The following SLC1A1 variants were observed in gnomAD, a reference collection of about 807,000 sequenced individuals.
SLC1A1 encodes the protein excitatory amino acid transporter 3.
Under a neutral mutation model 53.3 loss-of-function variants are expected in SLC1A1, and 43 were observed. That is an observed-to-expected ratio of 0.81 (90% CI 0.63 to 1.04). The LOEUF (loss-of-function observed/expected upper bound fraction) is 1.04. Among genes scored for constraint, SLC1A1 ranks in the 50% least tolerant of loss-of-function variants. The probability of loss-of-function intolerance (pLI) is 0.00; values close to 1 mark genes in which losing one functional copy is unlikely to be tolerated. For missense variants in SLC1A1, 748 were observed against 664.9 expected (o/e 1.12, Z -1.37); for synonymous variants, 307 against 243.2 (o/e 1.26, Z -2.44).
rs1450790306 is a variant in SLC1A1 at position 4,537,609 on chromosome 9, A to T, written c.92-6958A>T. Among the ~76,000 whole-genome samples, 6 of 151,634 alleles carry T rather than the reference A, an allele frequency of 4.0e-5. 1 individual carries two copies. The highest frequency in any genetic ancestry group is 1.5e-4 in the African/African-American group (6 of 41,276). On this transcript the variant is annotated intron_variant, in intron 1 of 11. Coordinates refer to ENST00000262352, the MANE Select transcript of SLC1A1 (RefSeq NM_004170.6). ...AAAATAAAATAAAATAAAAAAAAAA[A>T]AAATCACATGCTACAACATGGATGT... is the stretch of plus-strand genomic sequence containing the variant.
chr9:4,508,991 A>G (rs1820900607), intron 1 of SLC1A1, among the ~76,000 whole-genome samples: 1 of 152,068 alleles, frequency 6.6e-6, no homozygotes, highest in Non-Finnish European at 1.5e-5. Context: ...AAATTCAGAT[A>G]AAACTGAGTA....
intron 1 of SLC1A1, among the ~76,000 whole-genome samples, chr9:4,500,033 T>C (rs911161572): frequency 1.3e-5 from 2 of 152,156 alleles, no homozygotes; most frequent in Non-Finnish European, 2.9e-5. Flanking sequence ...TCCACATTAA[T>C]TGCTTGTGAG....
At chr9:4,530,843 A>C (rs957591250) in intron 1 of SLC1A1, among the ~76,000 whole-genome samples, 1 of 152,216 alleles carries the variant, frequency 6.6e-6, no homozygotes, top group African/African-American at 2.4e-5. Context: ...TACTACAAAG[A>C]ATGTGTTTAC....
chr9:4,530,755 T>C (rs144336726), intron 1 of SLC1A1, among the ~76,000 whole-genome samples: 66 of 152,334 alleles, frequency 4.3e-4, no homozygotes, highest in African/African-American at 1.4e-3. Context: ...TCAAATCCTC[T>C]AGCACTTAAT....
At chr9:4,585,225 C>T (rs549080291) in intron 11 of SLC1A1, 87 bp from the exon 12 acceptor site, 1 of 1,563,290 alleles carries the variant, frequency 6.4e-7, no homozygotes, top group Non-Finnish European at 8.8e-7. Flanking sequence ...GAAATCTAAA[C>T]TGAACATGTC....
chr9:4,523,981 A>G (rs1816175184), intron 1 of SLC1A1, among the ~76,000 whole-genome samples: 1 of 152,210 alleles, frequency 6.6e-6, no homozygotes, highest in Admixed American at 6.5e-5. Flanking sequence ...TCTTCCTTCA[A>G]AATGCTTCAT....
intron 7 of SLC1A1, 107 bp downstream of exon 7, chr9:4,572,495 T>C (rs1242208117): frequency 2.0e-6 from 2 of 1,016,614 alleles, no homozygotes; most frequent in Non-Finnish European, 3.1e-6. Flanking sequence ...CTAGAGAAGT[T>C]GGACATTTAA....
At chr9:4,551,482 C>T (rs2039216) in intron 2 of SLC1A1, among the ~76,000 whole-genome samples, 137,610 of 152,272 alleles carry the variant, frequency 0.9, 62,738 homozygotes, top group South Asian at 0.99. Context: ...GCAAGAATTG[C>T]AAGACTTGAA....
At chr9:4,500,845 G>C (rs919396737) in intron 1 of SLC1A1, among the ~76,000 whole-genome samples, 6 of 152,094 alleles carry the variant, frequency 3.9e-5, no homozygotes, top group Non-Finnish European at 7.4e-5. Flanking sequence ...CCAATAAATA[G>C]TCCTATACTT....
chr9:4,496,537 T>C (rs1488171465), intron 1 of SLC1A1, among the ~76,000 whole-genome samples: 1 of 150,744 alleles, frequency 6.6e-6, no homozygotes. Flanking sequence ...GTTTTGTTTT[T>C]GTTTGTTTTT....
rs1816269522 is a variant in SLC1A1, at chr9:4,526,617, C to A, written c.92-17950C>A. Among the ~76,000 whole-genome samples, 3 of 152,110 alleles carry A rather than the reference C, an allele frequency of 2.0e-5. 1 individual carries two copies. The highest frequency in any genetic ancestry group is 7.2e-5 in the African/African-American group (3 of 41,404). Reference sequence around the variant, plus strand: ...GTTCAGTCTGCGTGGTGGATGTATACATGTTTATGTATTTTTACTTTTCAT... The same window carrying A: ...GTTCAGTCTGCGTGGTGGATGTATAAATGTTTATGTATTTTTACTTTTCAT... On this transcript the variant is annotated intron_variant, in intron 1 of 11. Coordinates refer to ENST00000262352, the MANE Select transcript of SLC1A1 (RefSeq NM_004170.6).
chr9:4,519,390 C>A (rs982864645), intron 1 of SLC1A1, among the ~76,000 whole-genome samples: 1 of 152,108 alleles, frequency 6.6e-6, no homozygotes, highest in Admixed American at 6.5e-5. Flanking sequence ...ATAAAGCAAT[C>A]AAAAAGCAAG....
chr9:4,503,972 AACAT>A (rs1325859126), intron 1 of SLC1A1, among the ~76,000 whole-genome samples: 1 of 152,186 alleles, frequency 6.6e-6, no homozygotes, highest in Non-Finnish European at 1.5e-5. Context: ...AGTCATCCCA[AACAT>A]ACTTAACTCC....
chr9:4,585,100 T>A (rs956172234), intron 11 of SLC1A1, among the ~76,000 whole-genome samples: 2 of 152,196 alleles, frequency 1.3e-5, no homozygotes, highest in African/African-American at 4.8e-5. Flanking sequence ...TTAGGGAGAC[T>A]TAGGGGAGTC....
At chr9:4,528,754 G>A (rs1044414297) in intron 1 of SLC1A1, among the ~76,000 whole-genome samples, 4 of 151,980 alleles carry the variant, frequency 2.6e-5, no homozygotes, top group African/African-American at 9.7e-5. Flanking sequence ...TCTACATTCC[G>A]AGTTGGCTGT....
At chr9:4,531,508 GA>G (rs1318963156) in intron 1 of SLC1A1, among the ~76,000 whole-genome samples, 1 of 152,180 alleles carries the variant, frequency 6.6e-6, no homozygotes, top group Non-Finnish European at 1.5e-5. Context: ...GAGACTGGGG[GA>G]GGGGCGCCCA....
chr9:4,570,174 T>C (rs1289608697), intron 6 of SLC1A1, among the ~76,000 whole-genome samples: 1 of 152,210 alleles, frequency 6.6e-6, no homozygotes, highest in Non-Finnish European at 1.5e-5. Flanking sequence ...CATATGACGC[T>C]TGTATCTCAT....
intron 6 of SLC1A1, among the ~76,000 whole-genome samples, chr9:4,571,309 T>G (rs1820021188): frequency 7.8e-6 from 1 of 128,148 alleles, no homozygotes; most frequent in African/African-American, 3.1e-5. Flanking sequence ...GGTGATAAAA[T>G]AATCTATACA....
At chr9:4,507,614 G>A (rs556304428) in intron 1 of SLC1A1, among the ~76,000 whole-genome samples, 11 of 152,100 alleles carry the variant, frequency 7.2e-5, no homozygotes, top group Non-Finnish European at 1.2e-4. Flanking sequence ...AGCATGGTTG[G>A]GAGTCATGAG....
Sources: allele counts gnomAD v4.1 joint callset (sites outside exome capture counted in the v4.1 genomes callset), GRCh38; gene constraint gnomAD v4.1.1; transcripts MANE v1.5; gene names NCBI Gene and HGNC (gene_info 2026-07-23, HGNC 2026-07-21).